MTMR3: variants seen among roughly 807,000 people sequenced by gnomAD.
MTMR3 encodes the protein phosphatidylinositol-3,5-bisphosphate 3-phosphatase MTMR3.
In MTMR3, 32 loss-of-function variants were observed where a neutral mutation model predicts 132.4. That is an observed-to-expected ratio of 0.24 (90% confidence interval 0.18 to 0.32). The LOEUF is 0.32. Ranked by LOEUF, MTMR3 falls within the 10% of genes least tolerant of loss-of-function variation. The pLI, the probability that MTMR3 is intolerant of heterozygous loss-of-function variation, is 1.00. For missense variants in MTMR3, 1,216 were observed against 1,489.6 expected (o/e 0.82, Z 3.02); for synonymous variants, 556 against 550.3 (o/e 1.01, Z -0.14).
At chr22:29,909,612 G>T (rs1039458632) in intron 1 of MTMR3, among the ~76,000 whole-genome samples, 3 of 152,080 alleles carry the variant, frequency 2.0e-5, no homozygotes, top group Non-Finnish European at 2.9e-5. Flanking sequence ...TTAAAAGAGG[G>T]CTCTATACAT....
intron 15 of MTMR3, chr22:30,017,664 A>G (rs2067628791): frequency 9.9e-6 from 4 of 402,456 alleles, no homozygotes; most frequent in Non-Finnish European, 1.8e-5. Context: ...AGAAATAACT[A>G]TAATGAGAAA....
At chr22:29,896,886 C>CACACAG (rs2064910044) in intron 1 of MTMR3, among the ~76,000 whole-genome samples, 1 of 150,882 alleles carries the variant, frequency 6.6e-6, no homozygotes, top group Non-Finnish European at 1.5e-5. Context: ...CACACACACA[C>CACACAG]ACACACACAC....
intron 1 of MTMR3, among the ~76,000 whole-genome samples, chr22:29,912,168 G>A (rs749786316): frequency 2.0e-5 from 3 of 152,214 alleles, no homozygotes; most frequent in Non-Finnish European, 4.4e-5. Context: ...AAAATGAGTT[G>A]ATGGTAGAGA....
intron 1 of MTMR3, among the ~76,000 whole-genome samples, chr22:29,923,661 A>T (rs1602482760): frequency 2.0e-5 from 3 of 152,138 alleles, no homozygotes; most frequent in African/African-American, 7.2e-5. Context: ...GCAGGGTTTG[A>T]TTTTTGGTGA....
intron 1 of MTMR3, among the ~76,000 whole-genome samples, chr22:29,945,511 G>A (rs532258030): frequency 2.9e-4 from 44 of 151,660 alleles, no homozygotes; most frequent in African/African-American, 1.1e-3. Context: ...ACCAGCCTGG[G>A]TAAAGCGAGA....
Position 29,997,420 on chromosome 22 carries a change from C to CTAGCACTTATTT in MTMR3, c.461-1338_461-1327dup, listed in dbSNP as rs1189016418. ...GTTGTTGTGGTTTCTTCCAGCCCTG[C>CTAGCACTTATTT]TAGCACTTATTTTACAACCTGTACC... On this transcript the variant is annotated intron_variant, in intron 7 of 19. Coordinates refer to ENST00000401950, the MANE Select transcript of MTMR3 (RefSeq NM_021090.4). 8 of 152,354 alleles carry CTAGCACTTATTT rather than the reference C, an allele frequency of 5.3e-5. No homozygotes were observed. In the South Asian group the frequency reaches 8.3e-4, roughly 16 times the overall value. The allele number at this position is 152,354 out of a possible 1,614,324, so 9.4% of individuals were successfully genotyped here.
At chr22:29,891,313 G>GTGTA (rs201124036) in intron 1 of MTMR3, among the ~76,000 whole-genome samples, 1 of 150,336 alleles carries the variant, frequency 6.7e-6, no homozygotes, top group African/African-American at 2.4e-5. Context: ...GTGTGCGTGT[G>GTGTA]TGTATGTATG....
At chr22:29,979,183 T>A in intron 5 of MTMR3, 131 bp downstream of exon 5, 1 of 664,186 alleles carries the variant, frequency 1.5e-6, no homozygotes, top group Non-Finnish European at 2.6e-6. Context: ...TTTTCTCACT[T>A]AATTTAGCAC....
intron 1 of MTMR3, among the ~76,000 whole-genome samples, chr22:29,948,885 G>A (rs1964221612): frequency 1.3e-5 from 2 of 151,062 alleles, no homozygotes; most frequent in Non-Finnish European, 2.9e-5. Flanking sequence ...CAGGAGGATT[G>A]CTTGAGCCTA....
chr22:29,924,059 T>C (rs1418607579), intron 1 of MTMR3, among the ~76,000 whole-genome samples: 1 of 152,236 alleles, frequency 6.6e-6, no homozygotes, highest in African/African-American at 2.4e-5. Context: ...GTTAGCTTTT[T>C]CTTTCTTAGC....
At chr22:29,909,877 C>T (rs933624674) in intron 1 of MTMR3, among the ~76,000 whole-genome samples, 7 of 146,550 alleles carry the variant, frequency 4.8e-5, no homozygotes, top group African/African-American at 1.5e-4. Context: ...CCCTTTTGGC[C>T]GGGTGCGGTG....
Position 29,931,178 on chromosome 22 carries a change from C to G in MTMR3, c.-137-25858C>G, listed in dbSNP as rs535946452. Among the ~76,000 whole-genome samples the G allele has an allele frequency of 3.3e-5, 5 of 152,208 alleles. No homozygotes were observed. In the South Asian group the frequency reaches 8.3e-4, roughly 25 times the overall value. On this transcript the variant is annotated intron_variant, in intron 1 of 19. Coordinates refer to ENST00000401950, the MANE Select transcript of MTMR3 (RefSeq NM_021090.4). The stretch of plus-strand genomic sequence containing the variant: ...TGTGTTAAATTCTGCAGTGGAAATA[C>G]TGACACAACAAGGTTAACAGTACTT...
intron 1 of MTMR3, among the ~76,000 whole-genome samples, chr22:29,909,111 C>G (rs991258255): frequency 6.6e-6 from 1 of 152,000 alleles, no homozygotes; most frequent in African/African-American, 2.4e-5. Flanking sequence ...CCAATTTAGC[C>G]TCCACCATGC....
At chr22:29,886,449 T>C (rs1029985646) in intron 1 of MTMR3, among the ~76,000 whole-genome samples, 4 of 152,204 alleles carry the variant, frequency 2.6e-5, no homozygotes, top group Admixed American at 6.5e-5. Flanking sequence ...AAGTTCTGGA[T>C]TGACAGACAT....
At chr22:29,969,206 C>G (rs979286782) in intron 2 of MTMR3, among the ~76,000 whole-genome samples, 1 of 152,186 alleles carries the variant, frequency 6.6e-6, no homozygotes, top group Non-Finnish European at 1.5e-5. Context: ...GTTGAGCTGT[C>G]TCTGCATGGC....
chr22:29,906,576 T>C (rs1430118352), intron 1 of MTMR3, among the ~76,000 whole-genome samples: 3 of 152,000 alleles, frequency 2.0e-5, no homozygotes, highest in Non-Finnish European at 4.4e-5. Flanking sequence ...CCTCAAGTGT[T>C]CCATCTCCCT....
At position 29,971,033 on chromosome 22, in the gene MTMR3, T is replaced by C. The variant is rs1393290434; in HGVS notation, c.-27T>C. The C allele has an allele frequency of 3.8e-6, 6 of 1,590,338 alleles. No individual in the cohort carries two copies. Among genetic ancestry groups the C allele is most frequent in the Non-Finnish European group, 5.1e-6 (6 of 1,169,820 alleles). ...TGGACACTGAAGAAGGGACGGGGATTTCTCCTCCTAATCTGGGCCTCTTGT... is the reference window on the plus strand; with the variant it reads ...TGGACACTGAAGAAGGGACGGGGATCTCTCCTCCTAATCTGGGCCTCTTGT... On this transcript the variant is annotated 5_prime_UTR_variant, in exon 3 of 20. Transcript: ENST00000401950.
At chr22:30,016,148 G>A (rs1390831546) in intron 14 of MTMR3, 1 of 206,582 alleles carries the variant, frequency 4.8e-6, no homozygotes, top group Non-Finnish European at 9.9e-6. Context: ...CATGTGAAAT[G>A]CTCAATAATT....
intron 13 of MTMR3, chr22:30,012,917 A>C (rs1416554844): frequency 4.7e-6 from 1 of 211,892 alleles, no homozygotes; most frequent in Non-Finnish European, 9.2e-6. Context: ...CTCTACCTGA[A>C]ATAACCATCT....
Sources: allele counts gnomAD v4.1 joint callset (sites outside exome capture counted in the v4.1 genomes callset), GRCh38; gene constraint gnomAD v4.1.1; transcripts MANE v1.5; gene names NCBI Gene and HGNC (gene_info 2026-07-23, HGNC 2026-07-21).